SLC44A1: variants seen among roughly 807,000 people sequenced by gnomAD.
SLC44A1 encodes the protein solute carrier family 44 member 1.
In SLC44A1, 26 loss-of-function variants were observed where a neutral mutation model predicts 79.3. The observed-to-expected ratio is 0.33, with a 90% CI of 0.24 to 0.46. SLC44A1 has a LOEUF of 0.46. Among genes scored for constraint, SLC44A1 ranks in the 20% least tolerant of loss-of-function variants. The pLI is 1.00. For synonymous variants in SLC44A1, 263 were observed against 286.2 expected (o/e 0.92, Z 0.82); for missense variants, 688 against 798.1 (o/e 0.86, Z 1.66).
chr9:105,290,572 CT>C (rs1407078986), intron 1 of SLC44A1, among the ~76,000 whole-genome samples: 6 of 152,202 alleles, frequency 3.9e-5, no homozygotes, highest in African/African-American at 7.2e-5. Context: ...GCAGGATTAA[CT>C]TGGCCTCTGC....
intron 1 of SLC44A1, among the ~76,000 whole-genome samples, chr9:105,250,338 T>G (rs1829554908): frequency 6.6e-6 from 1 of 152,186 alleles, no homozygotes; most frequent in African/African-American, 2.4e-5. Context: ...CTTCCAGGCT[T>G]AACAAATACT....
At position 105,362,972 on chromosome 9, in the gene SLC44A1, A is replaced by C. The variant is rs1277229433; in HGVS notation, c.1052A>C (p.Tyr351Ser). 6.2e-7 allele frequency: 1 copy of C among 1,612,562 alleles called. No homozygotes were observed. Among genetic ancestry groups the C allele is most frequent in the Non-Finnish European group, 8.5e-7 (1 of 1,179,522 alleles). ...TTTGCTCTTGTCTTGTTTTGGGTGT[A>C]CTGGATCATGACACTTCTTTTTCTT... ...TFFALVLFWV[Y>S]WIMTLLFLGT... The change falls in exon 9 of 16, where the codon TAC becomes TCC. Residue 351 changes from tyrosine (Y) to serine (S), a missense_variant. Physicochemically the swap from Tyr to Ser is moderately radical, Grantham distance 144. Coordinates refer to ENST00000374720, the MANE Select transcript of SLC44A1 (RefSeq NM_080546.5).
chr9:105,387,060 A>AAAAAAAAAAT (rs34780893), intron 15 of SLC44A1, among the ~76,000 whole-genome samples: 2 of 7,714 alleles, frequency 2.6e-4, no homozygotes, highest in African/African-American at 8.2e-4. Flanking sequence ...AAAAAAAAAA[A>AAAAAAAAAAT]ATATATATAT....
intron 1 of SLC44A1, among the ~76,000 whole-genome samples, chr9:105,266,603 A>T (rs1009349501): frequency 2.0e-5 from 3 of 152,164 alleles, no homozygotes; most frequent in African/African-American, 7.2e-5. Context: ...ATCTTTCTCA[A>T]ATATCAACCA....
intron 4 of SLC44A1, among the ~76,000 whole-genome samples, chr9:105,336,562 T>A (rs1826928393): frequency 6.6e-6 from 1 of 152,186 alleles, no homozygotes; most frequent in South Asian, 2.1e-4. Flanking sequence ...GTATTTTGTG[T>A]GTAGGAATCC....
intron 15 of SLC44A1, among the ~76,000 whole-genome samples, chr9:105,424,416 C>T (rs1329833659): frequency 2.6e-5 from 4 of 152,174 alleles, no homozygotes; most frequent in Non-Finnish European, 5.9e-5. Context: ...TGAGCAGCCC[C>T]TCCTAGTGTG....
chr9:105,345,073 G>A (rs892061108), intron 4 of SLC44A1, among the ~76,000 whole-genome samples: 1 of 152,176 alleles, frequency 6.6e-6, no homozygotes, highest in African/African-American at 2.4e-5. Context: ...GCTTTAGGAG[G>A]ACCTTGAATC....
At chr9:105,423,331 G>A (rs1448815262) in intron 15 of SLC44A1, among the ~76,000 whole-genome samples, 4 of 152,114 alleles carry the variant, frequency 2.6e-5, no homozygotes, top group African/African-American at 9.7e-5. Context: ...GGGTATGGTG[G>A]CACATGTCTG....
chr9:105,351,982 C>T (rs777834117), intron 5 of SLC44A1, among the ~76,000 whole-genome samples: 4 of 152,068 alleles, frequency 2.6e-5, no homozygotes, highest in Admixed American at 6.5e-5. Flanking sequence ...GAAAGAAGGC[C>T]GGGCACAGTG....
chr9:105,431,804 G>A (rs1001838234), intron 15 of SLC44A1, among the ~76,000 whole-genome samples: 9 of 152,198 alleles, frequency 5.9e-5, no homozygotes, highest in Non-Finnish European at 1.2e-4. Flanking sequence ...TGGAGTCCCT[G>A]TTCTGTGCTG....
At chr9:105,421,770 G>A (rs754905988) in intron 15 of SLC44A1, among the ~76,000 whole-genome samples, 7 of 152,076 alleles carry the variant, frequency 4.6e-5, no homozygotes, top group Non-Finnish European at 8.8e-5. Context: ...TGTATTTTTA[G>A]TAGAGGCGGG....
Position 105,364,679 on chromosome 9 carries a change from G to A in SLC44A1, c.1212G>A (p.Gln404=). ...GTGAATTTATTCTAGCATGTCAGCA[G>A]ATGACAGTGGCAGGAGCTGTGGTAA... ...WISEFILACQ[Q]MTVAGAVVTY... The change falls in exon 10 of 16, where the codon CAG becomes CAA. Residue 404 remains glutamine, a synonymous_variant. Coordinates refer to ENST00000374720, the MANE Select transcript of SLC44A1 (RefSeq NM_080546.5). 6.2e-7 allele frequency: 1 copy of A among 1,614,100 alleles called. No individual in the cohort carries two copies. Among genetic ancestry groups the A allele is most frequent in the Non-Finnish European group, 8.5e-7 (1 of 1,179,982 alleles).
At chr9:105,406,163 CT>C (rs1829027183) in intron 15 of SLC44A1, among the ~76,000 whole-genome samples, 1 of 152,102 alleles carries the variant, frequency 6.6e-6, no homozygotes, top group African/African-American at 2.4e-5. Flanking sequence ...AAGGAAAACT[CT>C]GTCAAATCAC....
intron 15 of SLC44A1, among the ~76,000 whole-genome samples, chr9:105,420,569 T>G (rs896494708): frequency 4.6e-5 from 7 of 152,022 alleles, no homozygotes; most frequent in Non-Finnish European, 7.4e-5. Flanking sequence ...TTATCCAAAA[T>G]GGATGTTCTA....
intron 5 of SLC44A1, among the ~76,000 whole-genome samples, chr9:105,352,619 G>A (rs1046703572): frequency 6.6e-6 from 1 of 152,152 alleles, no homozygotes; most frequent in African/African-American, 2.4e-5. Context: ...AAAACTTACT[G>A]TATATAGAAT....
chr9:105,433,734 C>T (rs1829429132), intron 15 of SLC44A1, among the ~76,000 whole-genome samples: 1 of 152,056 alleles, frequency 6.6e-6, no homozygotes, highest in Non-Finnish European at 1.5e-5. Flanking sequence ...GGAATCTGAC[C>T]AGCCCAAAGG....
Position 105,389,779 on chromosome 9 carries a change from T to C in SLC44A1, c.*723T>C, listed in dbSNP as rs1828717190. ...ATCTTTCGTATGCAAACTTTTCCCT[T>C]ATATTTTGTCTTTCTTTCCTTTTTG... is the stretch of plus-strand genomic sequence containing the variant. On this transcript the variant is annotated 3_prime_UTR_variant, in exon 16 of 16. Transcript: ENST00000374720. 1.5e-6 allele frequency: 2 copies of C among 1,325,218 alleles called. No homozygotes were observed. Among genetic ancestry groups the C allele is most frequent in the Non-Finnish European group, 1.9e-6 (2 of 1,032,672 alleles). The allele number at this position is 1,325,218 out of a possible 1,614,324, so 82.1% of individuals were successfully genotyped here.
At chr9:105,272,595 T>A (rs1830102704) in intron 1 of SLC44A1, among the ~76,000 whole-genome samples, 1 of 152,128 alleles carries the variant, frequency 6.6e-6, no homozygotes, top group Non-Finnish European at 1.5e-5. Flanking sequence ...CTATTCTCTT[T>A]ACAGGTGAAA....
At chr9:105,418,168 G>C (rs529234774) in intron 15 of SLC44A1, among the ~76,000 whole-genome samples, 4 of 152,124 alleles carry the variant, frequency 2.6e-5, no homozygotes, top group Non-Finnish European at 5.9e-5. Context: ...CAAAAAATTA[G>C]TCGGGTGTAG....
Sources: gnomAD v4.1 joint callset for allele counts (sites outside exome capture counted in the v4.1 genomes callset) on GRCh38, gnomAD v4.1.1 for gene constraint, MANE v1.5 for transcripts, NCBI Gene and HGNC (gene_info 2026-07-23, HGNC 2026-07-21) for gene names.